Variants in WWTR1 observed in about 807,000 individuals in gnomAD.
The protein encoded by WWTR1 is WW domain containing transcription regulator 1.
Under a neutral mutation model 40.1 loss-of-function variants are expected in WWTR1, and 13 were observed. The observed-to-expected ratio is 0.32, with a 90% CI of 0.21 to 0.52. The LOEUF (loss-of-function observed/expected upper bound fraction) is 0.52. Ranked by LOEUF, WWTR1 falls within the 20% of genes least tolerant of loss-of-function variation. The probability of loss-of-function intolerance (pLI) is 0.97; values close to 1 mark genes in which losing one functional copy is unlikely to be tolerated. For missense variants in WWTR1, 436 were observed against 523.1 expected, an observed-to-expected ratio of 0.83 and a Z score of 1.63; for synonymous variants, 230 against 210.1, an observed-to-expected ratio of 1.09 and a Z score of -0.82.
intron 2 of WWTR1, among the ~76,000 whole-genome samples, chr3:149,648,438 CA>C (rs940816309): frequency 6.6e-6 from 1 of 150,382 alleles, no homozygotes; most frequent in Non-Finnish European, 1.5e-5. Context: ...CAAAACTAAA[CA>C]AAACAAAAAA....
chr3:149,660,729 G>A (rs1713532354), upstream of WWTR1, among the ~76,000 whole-genome samples: 1 of 152,048 alleles, frequency 6.6e-6, no homozygotes, highest in Non-Finnish European at 1.5e-5. Flanking sequence ...TGTAAATTAG[G>A]GACAATAACA....
chr3:149,633,567 T>TGCTA (rs1711655964), intron 2 of WWTR1, among the ~76,000 whole-genome samples: 1 of 152,144 alleles, frequency 6.6e-6, no homozygotes, highest in African/African-American at 2.4e-5. Flanking sequence ...CCCAGCTCAG[T>TGCTA]GCTAGGTATA....
chr3:149,656,813 A>G lies in WWTR1; in HGVS notation c.431+63T>C. On this transcript the variant is annotated intron_variant, in intron 2 of 6. Transcript: ENST00000360632. ...CTCTCACACACACACACACACACACACGAACACACGCGCGCGTTGGGCACT... is the reference window on the plus strand; with the variant it reads ...CTCTCACACACACACACACACACACGCGAACACACGCGCGCGTTGGGCACT... The G allele has an allele frequency of 4.2e-6, 6 of 1,430,600 alleles. No individual in the cohort carries two copies. The South Asian group carries it at 8.5e-5, about 20-fold the overall frequency. 88.6% of individuals were successfully genotyped at this position (1,430,600 alleles called of 1,614,324 possible).
At chr3:149,650,082 A>C (rs1290584503) in intron 2 of WWTR1, 1 of 152,126 alleles carries the variant, frequency 6.6e-6, no homozygotes, top group Non-Finnish European at 1.5e-5. Flanking sequence ...AATAAAATAT[A>C]AATAGACAAT....
chr3:149,537,224 T>C (rs1735878924), intron 4 of WWTR1, among the ~76,000 whole-genome samples: 1 of 152,226 alleles, frequency 6.6e-6, no homozygotes, highest in Admixed American at 6.5e-5. Context: ...TAAAAATTTA[T>C]GTACGGCCTG....
chr3:149,547,493 T>A lies in WWTR1; in HGVS notation c.569-4956A>T, dbSNP rs979926906. On this transcript the variant is annotated intron_variant, in intron 3 of 6. Coordinates refer to ENST00000360632, the MANE Select transcript of WWTR1 (RefSeq NM_015472.6). The stretch of plus-strand genomic sequence containing the variant: ...GTCACCCGAGATCACGCCATTGCAC[T>A]CCAGCCTGAGCAACAAGAGCGAAAC... Among the ~76,000 whole-genome samples the A allele has an allele frequency of 1.3e-5, 2 of 151,592 alleles. 1 individual carries two copies.
rs549663894 is a variant in WWTR1, at chr3:149,627,249, T to C, written c.431+29627A>G. On this transcript the variant is annotated intron_variant, in intron 2 of 6. Coordinates refer to ENST00000360632, the MANE Select transcript of WWTR1 (RefSeq NM_015472.6). ...AACCCTTCTTAGGGTAAACATATTG[T>C]TAAGGTAAACCCATGATCTATTCCC... Among the ~76,000 whole-genome samples the C allele has an allele frequency of 1.6e-3, 246 of 152,306 alleles. 1 individual carries two copies. The highest frequency in any genetic ancestry group is 5.1e-3 in the African/African-American group (212 of 41,572).
upstream of WWTR1, among the ~76,000 whole-genome samples, chr3:149,661,881 C>T (rs1713596509): frequency 6.6e-6 from 1 of 151,934 alleles, no homozygotes; most frequent in Admixed American, 6.6e-5. Context: ...TACAGGCACC[C>T]ACCACCACAC....
chr3:149,634,853 C>T (rs1405227563), intron 2 of WWTR1, among the ~76,000 whole-genome samples: 1 of 152,228 alleles, frequency 6.6e-6, no homozygotes, highest in Non-Finnish European at 1.5e-5. Flanking sequence ...CAGTAGCTCA[C>T]CCTCCAGACC....
chr3:149,545,320 G>C (rs1338566353), intron 3 of WWTR1, among the ~76,000 whole-genome samples: 7 of 152,154 alleles, frequency 4.6e-5, no homozygotes, highest in African/African-American at 1.7e-4. Flanking sequence ...GAGAGGCGCA[G>C]ATGGAAGAAT....
intron 5 of WWTR1, among the ~76,000 whole-genome samples, chr3:149,709,270 T>G (rs952568208): frequency 7.7e-5 from 5 of 64,744 alleles, no homozygotes; most frequent in Admixed American, 5.2e-4. Context: ...CCATCATGTC[T>G]GGCCTTTTTT....
chr3:149,659,070 G>A (rs141018546), upstream of WWTR1, among the ~76,000 whole-genome samples: 1,731 of 152,278 alleles, frequency 0.011, 20 homozygotes, highest in Non-Finnish European at 0.013. Flanking sequence ...CGGGAAGTAG[G>A]AGGAGGCCTT....
chr3:149,619,072 G>A lies in WWTR1; in HGVS notation c.431+37804C>T, dbSNP rs1740142266. On this transcript the variant is annotated intron_variant, in intron 2 of 6. Transcript: ENST00000360632. ...GACAGACAGAAACAATGGCAGAGAG[G>A]AATAGCCTTGCATGTTTTCATGGCA... 2.0e-5 allele frequency among the ~76,000 whole-genome samples: 3 copies of A among 152,206 alleles called. No homozygotes were observed. The South Asian group carries it at 6.2e-4, about 32-fold the overall frequency.
intron 4 of WWTR1, among the ~76,000 whole-genome samples, chr3:149,536,821 A>G (rs759290829): frequency 1.2e-4 from 18 of 152,044 alleles, no homozygotes; most frequent in Non-Finnish European, 2.4e-4. Flanking sequence ...CTTTGGGAAT[A>G]ATGATTTCTC....
intron 1 of WWTR1, among the ~76,000 whole-genome samples, chr3:149,678,559 T>G (rs66749974): frequency 0.37 from 56,060 of 152,048 alleles, 10,730 homozygotes; most frequent in Middle Eastern, 0.55. Flanking sequence ...TCCCACACTC[T>G]GGAGCCCTTT....
At chr3:149,688,154 G>A (rs1290111437) in intron 1 of WWTR1, among the ~76,000 whole-genome samples, 2 of 151,924 alleles carry the variant, frequency 1.3e-5, no homozygotes, top group African/African-American at 4.8e-5. Context: ...CCAATTCCAG[G>A]TCCTAGCTTC....
At chr3:149,679,066 G>A (rs563095355) in intron 1 of WWTR1, among the ~76,000 whole-genome samples, 13 of 152,134 alleles carry the variant, frequency 8.5e-5, no homozygotes, top group African/African-American at 2.4e-4. Flanking sequence ...CCTGACCTCC[G>A]GTGATCTGCC....
rs755442408 is a variant in WWTR1 at position 149,543,580 on chromosome 3, C to CAAAAAAAAA, written c.569-1052_569-1044dup. On this transcript the variant is annotated intron_variant, in intron 3 of 6. Transcript: ENST00000360632. ...CTGGTGACAAAGAAAGACTCTGTCT[C>CAAAAAAAAA]AAAAAAAAAAAAAAAAAAAAAAAGA... Among the ~76,000 whole-genome samples, 161 of 31,172 alleles carry CAAAAAAAAA rather than the reference C, an allele frequency of 5.2e-3. 13 individuals carry two copies. Among genetic ancestry groups the CAAAAAAAAA allele is most frequent in the African/African-American group, 0.011 (103 of 8,988 alleles). The allele number at this position is 31,172 out of a possible 152,430, so 20.5% of individuals were successfully genotyped here. A position where few individuals can be genotyped will look rare whatever the true frequency, so the allele number is the denominator to read the frequency against.
intron 4 of WWTR1, among the ~76,000 whole-genome samples, chr3:149,719,802 C>G (rs1414556444): frequency 2.0e-5 from 3 of 152,152 alleles, no homozygotes; most frequent in African/African-American, 7.2e-5. Flanking sequence ...TTGATAGTAG[C>G]CATCCTAAGG....
Sources: gnomAD v4.1 joint callset for allele counts (sites outside exome capture counted in the v4.1 genomes callset) on GRCh38, gnomAD v4.1.1 for gene constraint, MANE v1.5 for transcripts, NCBI Gene and HGNC (gene_info 2026-07-23, HGNC 2026-07-21) for gene names.